Variants in MAST2 observed in about 807,000 individuals in gnomAD.
The protein encoded by MAST2 is microtubule associated serine/threonine kinase 2.
In MAST2, 70 loss-of-function variants were observed where a neutral mutation model predicts 147.4. The ratio of observed to expected loss-of-function variants is 0.47; its 90% CI spans 0.39 to 0.58. The LOEUF (loss-of-function observed/expected upper bound fraction) is 0.58. Among genes scored for constraint, MAST2 ranks in the 20% least tolerant of loss-of-function variants. The probability of loss-of-function intolerance (pLI) is 0.00; values close to 1 mark genes in which losing one functional copy is unlikely to be tolerated. For missense variants in MAST2, 2,080 were observed against 2,302.3 expected (o/e 0.90, Z 1.98); for synonymous variants, 869 against 896.8 (o/e 0.97, Z 0.55).
chr1:45,881,746 C>T (rs1268780961), intron 3 of MAST2, among the ~76,000 whole-genome samples: 1 of 151,896 alleles, frequency 6.6e-6, no homozygotes, highest in Non-Finnish European at 1.5e-5. Flanking sequence ...AATGGCTGGC[C>T]TAGAGTGCCT....
intron 4 of MAST2, among the ~76,000 whole-genome samples, chr1:45,931,036 A>G (rs1351706166): frequency 6.6e-6 from 1 of 152,222 alleles, no homozygotes; most frequent in Non-Finnish European, 1.5e-5. Context: ...ATAACAGTAC[A>G]GCCATTAAAA....
At chr1:45,957,356 A>G (rs1659797073) in intron 4 of MAST2, among the ~76,000 whole-genome samples, 1 of 152,216 alleles carries the variant, frequency 6.6e-6, no homozygotes, top group Non-Finnish European at 1.5e-5. Context: ...TTCACAAATA[A>G]CAGCATATAA....
At chr1:45,898,211 A>G (rs953929533) in intron 4 of MAST2, among the ~76,000 whole-genome samples, 5 of 152,214 alleles carry the variant, frequency 3.3e-5, no homozygotes, top group Admixed American at 2.0e-4. Flanking sequence ...TAGTCATACT[A>G]GCATCCTCCC....
chr1:46,035,513 G>A lies in MAST2; in HGVS notation c.4844G>A (p.Gly1615Asp). Reference sequence around the variant, plus strand: ...GCCACAGACCCCATCCCTCCTGAAGGTTGCTGGAAGGCCCAGCACCTCCAC... The same window carrying A: ...GCCACAGACCCCATCCCTCCTGAAGATTGCTGGAAGGCCCAGCACCTCCAC... ...SGATDPIPPE[G>D]CWKAQHLHTQ... The change falls in exon 29 of 29, where the codon GGT becomes GAT. Residue 1615 changes from glycine to aspartate, a missense_variant. By Grantham distance (94) the Gly-to-Asp change is moderately conservative. This residue lies in a region of MAST2 where 1,278 missense variants were observed against 1,304.2 expected (regional missense o/e 0.98). Coordinates refer to ENST00000361297, the MANE Select transcript of MAST2 (RefSeq NM_015112.3). The surrounding 1 kb of genome is among the most constrained non-coding windows in gnomAD (Gnocchi z 5.5). The A allele has an allele frequency of 6.2e-7, 1 of 1,613,306 alleles. No individual in the cohort carries two copies. Among genetic ancestry groups the A allele is most frequent in the Non-Finnish European group, 8.5e-7 (1 of 1,179,992 alleles).
chr1:45,995,084 C>T (rs912796021), intron 5 of MAST2, among the ~76,000 whole-genome samples: 4 of 152,136 alleles, frequency 2.6e-5, no homozygotes, highest in African/African-American at 7.2e-5. Context: ...TCGTGATCCG[C>T]CCACCTCAGC....
chr1:45,933,387 C>T (rs559877186), intron 4 of MAST2, among the ~76,000 whole-genome samples: 46 of 152,114 alleles, frequency 3.0e-4, no homozygotes, highest in South Asian at 6.2e-4. Context: ...GATACCTCCA[C>T]TTCTAATTCT....
chr1:45,864,673 C>T (rs1646086401), intron 3 of MAST2, among the ~76,000 whole-genome samples: 1 of 151,876 alleles, frequency 6.6e-6, no homozygotes. Context: ...GAAAGGAAAA[C>T]GTGACATGGA....
At chr1:45,981,140 C>T (rs1026684367) in intron 5 of MAST2, among the ~76,000 whole-genome samples, 1 of 152,096 alleles carries the variant, frequency 6.6e-6, no homozygotes, top group Admixed American at 6.5e-5. Context: ...GACGCGATCT[C>T]GGCTCACTAC....
chr1:45,824,960 A>T (rs6661910), intron 2 of MAST2, among the ~76,000 whole-genome samples: 68,006 of 152,116 alleles, frequency 0.45, 15,425 homozygotes, highest in East Asian at 0.62. Flanking sequence ...TTCAGGGGGA[A>T]AAAATTATAC....
At chr1:45,946,574 G>A (rs1299492600) in intron 4 of MAST2, among the ~76,000 whole-genome samples, 2 of 152,144 alleles carry the variant, frequency 1.3e-5, no homozygotes, top group African/African-American at 2.4e-5. Flanking sequence ...AGTTGTAACT[G>A]TTGCAGGAAC....
At chr1:45,887,858 A>G (rs1274324517) in intron 4 of MAST2, among the ~76,000 whole-genome samples, 1 of 152,206 alleles carries the variant, frequency 6.6e-6, no homozygotes, top group African/African-American at 2.4e-5. Context: ...CTGTCTTTTA[A>G]AAGTTGGTGG....
At chr1:45,832,163 C>T (rs924278193) in intron 3 of MAST2, among the ~76,000 whole-genome samples, 3 of 152,094 alleles carry the variant, frequency 2.0e-5, no homozygotes, top group South Asian at 2.1e-4. Context: ...ATTAAAGCCT[C>T]GCCTGCTTCC....
chr1:45,832,479 G>A (rs2147838240), intron 3 of MAST2, among the ~76,000 whole-genome samples: 1 of 152,136 alleles, frequency 6.6e-6, no homozygotes, highest in Non-Finnish European at 1.5e-5. Flanking sequence ...CTTTTCAGTA[G>A]TGATGGGGTT....
At chr1:45,963,727 T>G (rs1233913491) in intron 5 of MAST2, among the ~76,000 whole-genome samples, 1 of 152,222 alleles carries the variant, frequency 6.6e-6, no homozygotes, top group African/African-American at 2.4e-5. Flanking sequence ...TTTGACTTCC[T>G]CTTTTCCTAA....
chr1:45,909,149 T>C (rs926230953), intron 4 of MAST2, among the ~76,000 whole-genome samples: 4 of 152,162 alleles, frequency 2.6e-5, no homozygotes, highest in African/African-American at 9.7e-5. Flanking sequence ...GTTTTCTTCT[T>C]TAGGTAACTC....
intron 5 of MAST2, among the ~76,000 whole-genome samples, chr1:45,960,686 A>G (rs1265017191): frequency 1.3e-5 from 2 of 152,202 alleles, no homozygotes; most frequent in Non-Finnish European, 2.9e-5. Context: ...AAAGGGCTGC[A>G]GCACTTCTGT....
At chr1:46,007,309 G>A (rs999819360) in intron 8 of MAST2, among the ~76,000 whole-genome samples, 25 of 152,214 alleles carry the variant, frequency 1.6e-4, no homozygotes, top group Admixed American at 4.6e-4. Context: ...GAGTAAGCTG[G>A]GCCAGACCAC....
intron 10 of MAST2, among the ~76,000 whole-genome samples, chr1:46,011,643 T>C (rs1645719003): frequency 6.6e-6 from 1 of 152,174 alleles, no homozygotes; most frequent in Non-Finnish European, 1.5e-5. Context: ...AGAGAGGATA[T>C]GCCTGTCCCC....
At chr1:45,998,313 C>A (rs1645138118) in intron 6 of MAST2, among the ~76,000 whole-genome samples, 1 of 152,182 alleles carries the variant, frequency 6.6e-6, no homozygotes. Context: ...TTCACTTTTC[C>A]TTCTATGAAT....
Sources: allele counts gnomAD v4.1 joint callset (sites outside exome capture counted in the v4.1 genomes callset), GRCh38; gene constraint gnomAD v4.1.1; regional missense constraint gnomAD v4.1.1; non-coding constraint Gnocchi (gnomAD v3.1); transcripts MANE v1.5; gene names NCBI Gene and HGNC (gene_info 2026-07-23, HGNC 2026-07-21).